Variants in CNTNAP2 observed in about 807,000 individuals in gnomAD.
CNTNAP2 encodes the protein contactin associated protein 2.
In CNTNAP2, 98 loss-of-function variants were observed where a neutral mutation model predicts 155.2. The ratio of observed to expected loss-of-function variants is 0.63; its 90% CI spans 0.54 to 0.75. The LOEUF (loss-of-function observed/expected upper bound fraction) is 0.75, where lower values mean the gene tolerates loss of function less well. Ranked by LOEUF, CNTNAP2 falls within the 30% of genes least tolerant of loss-of-function variation. The pLI is 0.00. For missense variants in CNTNAP2, 1,727 were observed against 1,688.1 expected (o/e 1.02, Z -0.40); for synonymous variants, 651 against 631.2 (o/e 1.03, Z -0.47).
chr7:147,809,026 T>G (rs1235289713), intron 13 of CNTNAP2, among the ~76,000 whole-genome samples: 2 of 151,774 alleles, frequency 1.3e-5, no homozygotes, highest in Non-Finnish European at 2.9e-5. Flanking sequence ...TTAGGAGAGG[T>G]TCTCAGCCAA....
At chr7:146,890,794 G>A (rs1163363041) in intron 3 of CNTNAP2, among the ~76,000 whole-genome samples, 1 of 152,048 alleles carries the variant, frequency 6.6e-6, no homozygotes, top group Non-Finnish European at 1.5e-5. Context: ...GTTTAACTGT[G>A]GTTTACATCA....
At chr7:147,595,977 T>G (rs532128975) in intron 12 of CNTNAP2, among the ~76,000 whole-genome samples, 80 of 152,030 alleles carry the variant, frequency 5.3e-4, no homozygotes, top group African/African-American at 1.6e-3. Flanking sequence ...TGATTTTTTG[T>G]TTTTTTTGGC....
At chr7:147,729,406 G>GCA (rs539684579) in intron 13 of CNTNAP2, among the ~76,000 whole-genome samples, 1 of 52,024 alleles carries the variant, frequency 1.9e-5, no homozygotes, top group Admixed American at 2.0e-4. Context: ...AAGAAAACAT[G>GCA]CACACACACG....
chr7:147,513,339 CT>C lies in CNTNAP2; in HGVS notation c.1777+27308del, dbSNP rs776599343. 9.3e-3 allele frequency among the ~76,000 whole-genome samples: 1,385 copies of C among 148,704 alleles called. 23 individuals are homozygous for C. Among genetic ancestry groups the C allele is most frequent in the African/African-American group, 0.032 (1,315 of 40,708 alleles). ...TTAAGGCAAGAGGCCGTGGATTGCC[CT>C]TTTTTTTTTCCATTGTACCCCTACA... is the stretch of plus-strand genomic sequence containing the variant. On this transcript the variant is annotated intron_variant, in intron 11 of 23. Transcript: ENST00000361727.
At chr7:146,900,107 C>G (rs1795961271) in intron 3 of CNTNAP2, among the ~76,000 whole-genome samples, 1 of 152,054 alleles carries the variant, frequency 6.6e-6, no homozygotes, top group South Asian at 2.1e-4. Context: ...TAACTACTTG[C>G]TATAGACAAG....
chr7:146,397,186 G>T (rs1358083), intron 1 of CNTNAP2, among the ~76,000 whole-genome samples: 3 of 151,958 alleles, frequency 2.0e-5, no homozygotes, highest in Non-Finnish European at 2.9e-5. Flanking sequence ...ACTGATTCTG[G>T]GTCCATTTTC....
intron 14 of CNTNAP2, among the ~76,000 whole-genome samples, chr7:147,966,319 G>A (rs1309280685): frequency 6.6e-6 from 1 of 152,122 alleles, no homozygotes; most frequent in Non-Finnish European, 1.5e-5. Context: ...AAATGCATCA[G>A]AACTAATGCT....
At chr7:146,833,477 T>G (rs897411905) in intron 2 of CNTNAP2, among the ~76,000 whole-genome samples, 1 of 152,188 alleles carries the variant, frequency 6.6e-6, no homozygotes, top group Admixed American at 6.5e-5. Context: ...AGTCTGAAAG[T>G]GTACCTTACA....
chr7:148,383,630 ATTTCTTTT>A lies in CNTNAP2; in HGVS notation c.3476-10_3476-3del, dbSNP rs749249781. ...CTATGGTGAGTCAAGTAACATTTTCATTTCTTTTTTTCTTTTAGAAACAGGGAAAATTG... is the reference window on the plus strand; with the variant it reads ...CTATGGTGAGTCAAGTAACATTTTCATTTCTTTTAGAAACAGGGAAAATTG... On this transcript the variant is annotated splice_polypyrimidine_tract_variant and intron_variant, in intron 21 of 23. Transcript: ENST00000361727. 6.8e-6 allele frequency: 11 copies of A among 1,614,170 alleles called. No individual in the cohort carries two copies. The East Asian group carries it at 2.5e-4, about 36-fold the overall frequency.
chr7:146,937,833 G>C (rs1301627343), intron 3 of CNTNAP2, among the ~76,000 whole-genome samples: 1 of 152,158 alleles, frequency 6.6e-6, no homozygotes, highest in Non-Finnish European at 1.5e-5. Context: ...AGGAAGCACA[G>C]GTTACAAAGA....
In CNTNAP2 at chr7:147,339,405, T is replaced by C. The variant is rs76148068; in HGVS notation, c.1498+39115T>C. On this transcript the variant is annotated intron_variant, in intron 9 of 23. Transcript: ENST00000361727. ...TGACTTCTTCTTTCATTATGTGAAC[T>C]CTTTGTGTATGTCAGCTCCTCTTCT... Among the ~76,000 whole-genome samples, 935 of 152,236 alleles carry C rather than the reference T, an allele frequency of 6.1e-3. 10 individuals are homozygous for C. Among genetic ancestry groups the C allele is most frequent in the Non-Finnish European group, 8.3e-3 (563 of 68,008 alleles).
At position 146,294,847 on chromosome 7, in the gene CNTNAP2, A is replaced by T. The variant is rs1289536041; in HGVS notation, c.97+177874A>T. Among the ~76,000 whole-genome samples the T allele has an allele frequency of 2.0e-5, 3 of 152,170 alleles. No individual in the cohort carries two copies. In the East Asian group the frequency reaches 5.8e-4, roughly 29 times the overall value. ...TATAGTAATTTGGTTTTTAAGTATG[A>T]TTTTGGAACTCTAAGTTACTAAAAT... is the stretch of plus-strand genomic sequence containing the variant. On this transcript the variant is annotated intron_variant, in intron 1 of 23. Coordinates refer to ENST00000361727, the MANE Select transcript of CNTNAP2 (RefSeq NM_014141.6).
intron 11 of CNTNAP2, among the ~76,000 whole-genome samples, chr7:147,541,934 T>A (rs1011841360): frequency 2.0e-5 from 3 of 152,164 alleles, no homozygotes; most frequent in Admixed American, 6.5e-5. Context: ...TTGGCCCAGA[T>A]AACAGACATG....
At chr7:147,002,032 T>C (rs1480753535) in intron 3 of CNTNAP2, among the ~76,000 whole-genome samples, 3 of 151,732 alleles carry the variant, frequency 2.0e-5, no homozygotes, top group African/African-American at 7.3e-5. Context: ...AAGGAAATCA[T>C]CCATTAAGTA....
intron 1 of CNTNAP2, among the ~76,000 whole-genome samples, chr7:146,557,770 A>G (rs1319441278): frequency 1.3e-5 from 2 of 152,114 alleles, no homozygotes; most frequent in African/African-American, 4.8e-5. Flanking sequence ...CCTGTGTGTG[A>G]TTGTCTAGGT....
intron 12 of CNTNAP2, among the ~76,000 whole-genome samples, chr7:147,608,261 A>C (rs1036832874): frequency 1.3e-5 from 2 of 151,772 alleles, no homozygotes; most frequent in African/African-American, 4.8e-5. Flanking sequence ...CCTTACACAT[A>C]CTTTTATGTT....
intron 19 of CNTNAP2, among the ~76,000 whole-genome samples, chr7:148,217,728 G>C (rs1468924527): frequency 2.0e-5 from 3 of 152,240 alleles, no homozygotes; most frequent in African/African-American, 4.8e-5. Flanking sequence ...CAAGGTGTTA[G>C]AGTAATAATG....
intron 13 of CNTNAP2, among the ~76,000 whole-genome samples, chr7:147,852,740 A>G (rs1231941131): frequency 2.0e-5 from 3 of 152,102 alleles, no homozygotes; most frequent in Non-Finnish European, 4.4e-5. Context: ...ATTCACTTTG[A>G]GATCTTCCTG....
intron 13 of CNTNAP2, among the ~76,000 whole-genome samples, chr7:147,890,578 G>A (rs1292152880): frequency 6.6e-6 from 1 of 152,204 alleles, no homozygotes; most frequent in African/African-American, 2.4e-5. Flanking sequence ...TAGCCCAGAT[G>A]TGGAATCAAC....
Sources: gnomAD v4.1 joint callset for allele counts (sites outside exome capture counted in the v4.1 genomes callset) on GRCh38, gnomAD v4.1.1 for gene constraint, MANE v1.5 for transcripts, NCBI Gene and HGNC (gene_info 2026-07-23, HGNC 2026-07-21) for gene names.